The following ARHGEF9 variants were observed in gnomAD, a reference collection of about 807,000 sequenced individuals.
The protein encoded by ARHGEF9 is Cdc42 guanine nucleotide exchange factor 9, also known as rho guanine nucleotide exchange factor 9.
A neutral mutation model predicts 41.3 loss-of-function variants in ARHGEF9; 2 were observed. The ratio of observed to expected loss-of-function variants is 0.05; its 90% confidence interval spans 0.02 to 0.15. ARHGEF9 has a LOEUF of 0.15. Among genes scored for constraint, ARHGEF9 ranks in the 10% least tolerant of loss-of-function variants. ARHGEF9 has a pLI of 1.00. For missense variants in ARHGEF9, 225 were observed against 424.7 expected, an observed-to-expected ratio of 0.53 and a Z score of 4.13; for synonymous variants, 160 against 154.4, an observed-to-expected ratio of 1.04 and a Z score of -0.27.
chrX:63,757,744 C>T (rs782254304), intron 1 of ARHGEF9, among the ~76,000 whole-genome samples: 2 of 112,202 alleles, frequency 1.8e-5, no homozygotes, highest in South Asian at 7.3e-4. Context: ...AGCCTCTACT[C>T]TTCTGCCCAA....
Position 63,701,465 on chromosome X carries a change from G to A in ARHGEF9, c.403-4161C>T, listed in dbSNP as rs190173147. On this transcript the variant is annotated intron_variant, in intron 3 of 9. Coordinates refer to ENST00000671741, the MANE Select transcript of ARHGEF9 (RefSeq NM_001353921.2). ...ATGACCATGGTTGTTATTCACAGCC[G>A]TATCCTCAAAGTTTAACAGAATACC... 51 of 111,134 alleles carry A rather than the reference G, an allele frequency of 4.6e-4. 1 individual carries two copies. The highest frequency in any genetic ancestry group is 1.6e-3 in the African/African-American group (48 of 30,566). 9.2% of individuals were successfully genotyped at this position (111,134 alleles called of 1,213,427 possible). A position where few individuals can be genotyped will look rare whatever the true frequency, so the allele number is the denominator to read the frequency against.
intron 8 of ARHGEF9, among the ~76,000 whole-genome samples, chrX:63,646,649 G>A (rs1249998185): frequency 1.8e-5 from 2 of 112,075 alleles, no homozygotes; most frequent in African/African-American, 6.5e-5. Context: ...AGTATAGTTT[G>A]AAGTCAGGTA....
At chrX:63,644,650 TGAC>T (rs1383763268) in intron 8 of ARHGEF9, among the ~76,000 whole-genome samples, 7 of 110,648 alleles carry the variant, frequency 6.3e-5, no homozygotes, top group African/African-American at 2.3e-4. Flanking sequence ...AAAAAAAATC[TGAC>T]AAGCTTCACA....
intron 2 of ARHGEF9, among the ~76,000 whole-genome samples, chrX:63,714,018 T>A (rs1367991483): frequency 1.8e-5 from 2 of 111,720 alleles, no homozygotes; most frequent in African/African-American, 6.5e-5. Flanking sequence ...CAATGAAAAT[T>A]TTTGTTATAT....
intron 1 of ARHGEF9, among the ~76,000 whole-genome samples, chrX:63,748,335 G>A (rs1556436814): frequency 8.9e-6 from 1 of 112,074 alleles, no homozygotes; most frequent in Non-Finnish European, 1.9e-5. Flanking sequence ...CTGCTAACCT[G>A]TTGTGTGACA....
intron 2 of ARHGEF9, among the ~76,000 whole-genome samples, chrX:63,721,217 C>T: frequency 9.0e-6 from 1 of 111,646 alleles, no homozygotes. Flanking sequence ...CCAGGTCACA[C>T]TCTGGAACAA....
chrX:63,745,121 G>A (rs1556432132), intron 1 of ARHGEF9, among the ~76,000 whole-genome samples: 1 of 80,813 alleles, frequency 1.2e-5, no homozygotes, highest in African/African-American at 4.6e-5. Flanking sequence ...TGAGGGGGTG[G>A]GGGGTGGGCT....
intron 7 of ARHGEF9, among the ~76,000 whole-genome samples, chrX:63,661,672 A>C (rs1209314763): frequency 9.0e-6 from 1 of 111,627 alleles, no homozygotes; most frequent in Admixed American, 9.5e-5. Flanking sequence ...TCACATAATT[A>C]GAAGCCACTG....
chrX:63,678,326 C>T lies in ARHGEF9; in HGVS notation c.815+14G>A. 8.5e-7 allele frequency: 1 copy of T among 1,177,433 alleles called. No individual in the cohort carries two copies. The highest frequency in any genetic ancestry group is 1.8e-5 in the African/African-American group (1 of 56,986). ...AAGTTCCCTCATTCACTCCTGACTC[C>T]CTCGATCCCTTACCTGTGGTCTTGG... On this transcript the variant is annotated intron_variant, in intron 5 of 9. Transcript: ENST00000671741.
chrX:63,774,649 A>G (rs1340734214), intron 1 of ARHGEF9, among the ~76,000 whole-genome samples: 1 of 111,264 alleles, frequency 9.0e-6, no homozygotes, highest in Non-Finnish European at 1.9e-5. Context: ...TGCTTCACCT[A>G]CCATGCCTAC....
chrX:63,661,311 C>T (rs1417740154), intron 7 of ARHGEF9, among the ~76,000 whole-genome samples: 1 of 111,585 alleles, frequency 9.0e-6, no homozygotes, highest in African/African-American at 3.3e-5. Flanking sequence ...TTCTGATCCC[C>T]TTGAATATGG....
chrX:63,771,224 T>C (rs1401630771), intron 1 of ARHGEF9, among the ~76,000 whole-genome samples: 3 of 112,217 alleles, frequency 2.7e-5, no homozygotes, highest in African/African-American at 9.7e-5. Flanking sequence ...AGGATTATTA[T>C]TACATTGAAA....
intron 6 of ARHGEF9, among the ~76,000 whole-genome samples, chrX:63,668,292 C>G (rs1216448205): frequency 1.8e-5 from 2 of 110,817 alleles, no homozygotes; most frequent in Admixed American, 1.9e-4. Context: ...TGTGTGACAC[C>G]ATGCCCAGCT....
rs1366559513 is a variant in ARHGEF9 at position 63,678,266 on chromosome X, G to A, written c.815+74C>T. On this transcript the variant is annotated intron_variant, in intron 5 of 9. Transcript: ENST00000671741. ...AACAGAAGCTCAGAAAGGGCAAAAG[G>A]ACATGTATTCTCAATGAGAACCAAC... is the stretch of plus-strand genomic sequence containing the variant. The A allele has an allele frequency of 4.5e-6, 4 of 889,730 alleles. No individual in the cohort carries two copies. The East Asian group carries it at 1.4e-4, about 30-fold the overall frequency. 73.3% of individuals were successfully genotyped at this position (889,730 alleles called of 1,213,427 possible). A position where few individuals can be genotyped will look rare whatever the true frequency, so the allele number is the denominator to read the frequency against.
At chrX:63,749,537 C>A (rs1452843738) in intron 1 of ARHGEF9, among the ~76,000 whole-genome samples, 1 of 112,264 alleles carries the variant, frequency 8.9e-6, no homozygotes, top group Non-Finnish European at 1.9e-5. Flanking sequence ...GGCCCTCCCT[C>A]CCTACATTCA....
chrX:63,764,852 T>C (rs1177271374), intron 1 of ARHGEF9, among the ~76,000 whole-genome samples: 1 of 111,495 alleles, frequency 9.0e-6, no homozygotes, highest in Non-Finnish European at 1.9e-5. Context: ...GAATAGCTAA[T>C]GGATGCTGGG....
chrX:63,644,165 T>TA (rs2047835239), intron 8 of ARHGEF9, 117 bp from the exon 9 acceptor site: 13 of 404,948 alleles, frequency 3.2e-5, no homozygotes, highest in South Asian at 1.5e-4. Flanking sequence ...AATCTTGAAA[T>TA]ACAAAAAAAA....
chrX:63,718,830 G>A (rs1556411788), intron 2 of ARHGEF9, among the ~76,000 whole-genome samples: 2 of 111,726 alleles, frequency 1.8e-5, no homozygotes, highest in Non-Finnish European at 3.8e-5. Context: ...CTGCCTGGAG[G>A]CTGAGGGATA....
intron 7 of ARHGEF9, 77 bp from the exon 8 acceptor site, chrX:63,655,814 A>G: frequency 8.7e-7 from 1 of 1,144,528 alleles, no homozygotes; most frequent in Non-Finnish European, 1.2e-6. Context: ...GGCACAGCAG[A>G]ATGCTAACAC....
Sources: gnomAD v4.1 joint callset for allele counts (sites outside exome capture counted in the v4.1 genomes callset) on GRCh38, gnomAD v4.1.1 for gene constraint, MANE v1.5 for transcripts, NCBI Gene and HGNC (gene_info 2026-07-23, HGNC 2026-07-21) for gene names.